The following MAGEF1 variants were observed in gnomAD, a reference collection of about 807,000 sequenced individuals.
The protein encoded by MAGEF1 is MAGE family member F1, also known as melanoma-associated antigen F1.
For synonymous variants in MAGEF1, 150 were observed against 163.6 expected (o/e 0.92, Z 0.63); for missense variants, 418 against 399.5 (o/e 1.05, Z -0.39).
At position 184,710,903 on chromosome 3, in the gene MAGEF1, A is replaced by G; in HGVS notation, c.919T>C (p.Trp307Arg). The change falls in exon 1 of 1, where the codon TGG becomes CGG. Residue 307 changes from tryptophan to arginine, a missense_variant. Trp to Arg is a moderately radical substitution (Grantham distance 101). Coordinates refer to ENST00000317897, the MANE Select transcript of MAGEF1 (RefSeq NM_022149.5). ...RASARAGIHL[W>R] ...GGCCAACTTTTCACCAACCCTCACCAGAGGTGGATGCCGGCCCTAGCACTG... is the reference window on the plus strand; with the variant it reads ...GGCCAACTTTTCACCAACCCTCACCGGAGGTGGATGCCGGCCCTAGCACTG... 6.4e-7 allele frequency: 1 copy of G among 1,570,764 alleles called. No individual in the cohort carries two copies. Among genetic ancestry groups the G allele is most frequent in the Non-Finnish European group, 8.7e-7 (1 of 1,155,872 alleles).
rs892656895 is a variant in MAGEF1 at position 184,712,053 on chromosome 3, G to T, written c.-232C>A. 7.4e-6 allele frequency: 5 copies of T among 678,668 alleles called. No homozygotes were observed. Among genetic ancestry groups the T allele is most frequent in the Non-Finnish European group, 1.1e-5 (5 of 466,126 alleles). 42.0% of individuals were successfully genotyped at this position (678,668 alleles called of 1,614,324 possible). A position where few individuals can be genotyped will look rare whatever the true frequency, so the allele number is the denominator to read the frequency against. On this transcript the variant is annotated 5_prime_UTR_variant, in exon 1 of 1. Coordinates refer to ENST00000317897, the MANE Select transcript of MAGEF1 (RefSeq NM_022149.5). Reference sequence around the variant, plus strand: ...GCAGCCTCAGTCCGCGCCCGCGCGAGGGGCCACTTCCGGCCACCTCAGCCA... The same window carrying T: ...GCAGCCTCAGTCCGCGCCCGCGCGATGGGCCACTTCCGGCCACCTCAGCCA...
In MAGEF1 at chr3:184,710,909, G is replaced by T; in HGVS notation, c.913C>A (p.His305Asn). 1 of 1,573,734 alleles carries T rather than the reference G, an allele frequency of 6.4e-7. No individual in the cohort carries two copies. Among genetic ancestry groups the T allele is most frequent in the Non-Finnish European group, 8.6e-7 (1 of 1,157,332 alleles). ...CTTTTCACCAACCCTCACCAGAGGT[G>T]GATGCCGGCCCTAGCACTGGCCCTG... is the stretch of plus-strand genomic sequence containing the variant. ...RARASARAGI[H>N]LW The change falls in exon 1 of 1, where the codon CAC becomes AAC. Residue 305 changes from histidine (H) to asparagine (N), a missense_variant. Coordinates refer to ENST00000317897, the MANE Select transcript of MAGEF1 (RefSeq NM_022149.5).
At position 184,711,685 on chromosome 3, in the gene MAGEF1, T is replaced by C. The variant is rs1365372496; in HGVS notation, c.137A>G (p.Glu46Gly). Residue 46 changes from glutamate to glycine, a missense_variant, in exon 1 of 1, where the codon GAG becomes GGG. Transcript: ENST00000317897. ...RPKEELGAGR[E>G]EGAAEPALTR... ...GAGGGCGGGCTCCGCAGCCCCCTCC[T>C]CCCTCCCGGCGCCAAGCTCCTCCTT... The C allele has an allele frequency of 2.5e-6, 4 of 1,579,424 alleles. No homozygotes were observed. Among genetic ancestry groups the C allele is most frequent in the Non-Finnish European group, 3.4e-6 (4 of 1,165,246 alleles).
chr3:184,711,221 A>G lies in MAGEF1; in HGVS notation c.601T>C (p.Ser201Pro). The G allele has an allele frequency of 6.2e-7, 1 of 1,614,146 alleles. No homozygotes were observed. Among genetic ancestry groups the G allele is most frequent in the South Asian group, 1.1e-5 (1 of 91,086 alleles). The change falls in exon 1 of 1, where the codon TCA (serine) becomes CCA (proline). Residue 201 changes from serine (S) to proline (P), a missense_variant. Ser to Pro is a moderately conservative substitution (Grantham distance 74, BLOSUM62 -1). Transcript: ENST00000317897. ...TACCCAAAGAGGAAATGATACTTTG[A>G]GGGTTGCACCCCCAACCGACGCAGC... ...EMLRRLGVQP[S>P]KYHFLFGYPK...
At position 184,711,972 on chromosome 3, in the gene MAGEF1, C is replaced by G; in HGVS notation, c.-151G>C. On this transcript the variant is annotated 5_prime_UTR_variant, in exon 1 of 1. Coordinates refer to ENST00000317897, the MANE Select transcript of MAGEF1 (RefSeq NM_022149.5). ...GAGCTTTGTGGCTGCTGGGCCGCAC[C>G]GCACGGGAGTCAAACCTGCGGCCGC... The G allele has an allele frequency of 8.0e-7, 1 of 1,256,532 alleles. No homozygotes were observed. Among genetic ancestry groups the G allele is most frequent in the Non-Finnish European group, 1.0e-6 (1 of 980,672 alleles). 77.8% of individuals were successfully genotyped at this position (1,256,532 alleles called of 1,614,324 possible).
chr3:184,711,909 G>C lies in MAGEF1; in HGVS notation c.-88C>G, dbSNP rs574766190. 2.1e-6 allele frequency: 3 copies of C among 1,415,794 alleles called. No individual in the cohort carries two copies. The highest frequency in any genetic ancestry group is 2.9e-5 in the African/African-American group (2 of 68,364). The allele number at this position is 1,415,794 out of a possible 1,614,324, so 87.7% of individuals were successfully genotyped here. A position where few individuals can be genotyped will look rare whatever the true frequency, so the allele number is the denominator to read the frequency against. On this transcript the variant is annotated 5_prime_UTR_variant, in exon 1 of 1. Transcript: ENST00000317897. ...AGCCCCGGGGGAGGGGTTGGACAGC[G>C]GCAGTGACGGCGGGAGTACAAGGAG...
In MAGEF1 at chr3:184,711,926, T is replaced by C; in HGVS notation, c.-105A>G. 11 of 1,400,254 alleles carry C rather than the reference T, an allele frequency of 7.9e-6. No individual in the cohort carries two copies. The highest frequency in any genetic ancestry group is 1.0e-5 in the Non-Finnish European group (11 of 1,077,234). The allele number at this position is 1,400,254 out of a possible 1,614,324, so 86.7% of individuals were successfully genotyped here. On this transcript the variant is annotated 5_prime_UTR_variant, in exon 1 of 1. Transcript: ENST00000317897. Reference sequence around the variant, plus strand: ...TGGACAGCGGCAGTGACGGCGGGAGTACAAGGAGCAATGGCAGCGGGAGCT... The same window carrying C: ...TGGACAGCGGCAGTGACGGCGGGAGCACAAGGAGCAATGGCAGCGGGAGCT...
In MAGEF1 at chr3:184,711,125, T is replaced by C. The variant is rs778155185; in HGVS notation, c.697A>G (p.Asn233Asp). 8.7e-6 allele frequency: 14 copies of C among 1,613,970 alleles called. No homozygotes were observed. In the South Asian group the frequency reaches 1.5e-4, roughly 18 times the overall value. The change falls in exon 1 of 1, where the codon AAT becomes GAT. Residue 233 changes from asparagine (N) to aspartate (D), a missense_variant. By Grantham distance (23) the Asn-to-Asp change is conservative (BLOSUM62 1). Coordinates refer to ENST00000317897, the MANE Select transcript of MAGEF1 (RefSeq NM_022149.5). The stretch of plus-strand genomic sequence containing the variant: ...CAAGAGAATTCATATTCTGGTGGAT[T>C]GGTGTGAGGCACCCGCCTGTAACTG... ...YLSYRRVPHT[N>D]PPEYEFSWGP...
chr3:184,712,039 C>A lies in MAGEF1; in HGVS notation c.-218G>T, dbSNP rs1712246254. On this transcript the variant is annotated 5_prime_UTR_variant, in exon 1 of 1. Transcript: ENST00000317897. ...GGAACCTGCGGCGCGCAGCCTCAGT[C>A]CGCGCCCGCGCGAGGGGCCACTTCC... 1 of 834,226 alleles carries A rather than the reference C, an allele frequency of 1.2e-6. No homozygotes were observed. The highest frequency in any genetic ancestry group is 1.7e-6 in the Non-Finnish European group (1 of 604,548). The allele number at this position is 834,226 out of a possible 1,614,324, so 51.7% of individuals were successfully genotyped here.
chr3:184,711,945 G>C lies in MAGEF1; in HGVS notation c.-124C>G. On this transcript the variant is annotated 5_prime_UTR_variant, in exon 1 of 1. Transcript: ENST00000317897. ...CGGGAGTACAAGGAGCAATGGCAGC[G>C]GGAGCTTTGTGGCTGCTGGGCCGCA... 1 of 1,356,844 alleles carries C rather than the reference G, an allele frequency of 7.4e-7. No homozygotes were observed. Among genetic ancestry groups the C allele is most frequent in the Non-Finnish European group, 9.5e-7 (1 of 1,051,482 alleles). The allele number at this position is 1,356,844 out of a possible 1,614,324, so 84.1% of individuals were successfully genotyped here. A position where few individuals can be genotyped will look rare whatever the true frequency, so the allele number is the denominator to read the frequency against.
In MAGEF1 at chr3:184,711,466, G is replaced by A. The variant is rs1712223176; in HGVS notation, c.356C>T (p.Ala119Val). Reference sequence around the variant, plus strand: ...ATACCGCAGATGCTCTGCGGCCCTTGCGATGATGTCCGGGAACAGAATCTT... The same window carrying A: ...ATACCGCAGATGCTCTGCGGCCCTTACGATGATGTCCGGGAACAGAATCTT... Reference protein sequence around the residue: ...DLKILFPDIIARAAEHLRYVF... With the variant: ...DLKILFPDIIVRAAEHLRYVF... Residue 119 changes from alanine (A) to valine (V), a missense_variant, in exon 1 of 1, where the codon GCA (alanine) becomes GTA (valine). Ala to Val is a moderately conservative substitution (Grantham distance 64). Coordinates refer to ENST00000317897, the MANE Select transcript of MAGEF1 (RefSeq NM_022149.5). The A allele has an allele frequency of 6.2e-7, 1 of 1,614,238 alleles. No homozygotes were observed. Among genetic ancestry groups the A allele is most frequent in the South Asian group, 1.1e-5 (1 of 91,090 alleles).
rs908925090 is a variant in MAGEF1 at position 184,711,958 on chromosome 3, C to A, written c.-137G>T. ...AGCAATGGCAGCGGGAGCTTTGTGG[C>A]TGCTGGGCCGCACCGCACGGGAGTC... On this transcript the variant is annotated 5_prime_UTR_variant, in exon 1 of 1. Coordinates refer to ENST00000317897, the MANE Select transcript of MAGEF1 (RefSeq NM_022149.5). 28 of 1,335,534 alleles carry A rather than the reference C, an allele frequency of 2.1e-5. No individual in the cohort carries two copies. Among genetic ancestry groups the A allele is most frequent in the Non-Finnish European group, 2.5e-5 (26 of 1,035,612 alleles). The allele number at this position is 1,335,534 out of a possible 1,614,324, so 82.7% of individuals were successfully genotyped here.
chr3:184,712,018 C>T lies in MAGEF1; in HGVS notation c.-197G>A, dbSNP rs896483780. The T allele has an allele frequency of 1.8e-5, 19 of 1,038,434 alleles. No individual in the cohort carries two copies. Among genetic ancestry groups the T allele is most frequent in the Non-Finnish European group, 2.4e-5 (19 of 787,244 alleles). 64.3% of individuals were successfully genotyped at this position (1,038,434 alleles called of 1,614,324 possible). On this transcript the variant is annotated 5_prime_UTR_variant, in exon 1 of 1. Transcript: ENST00000317897. ...GCCGCAACGCCGCCAGCAGCCGGAA[C>T]CTGCGGCGCGCAGCCTCAGTCCGCG...
chr3:184,710,767 G>A lies in MAGEF1; in HGVS notation c.*131C>T. ...AATTATTAAATGTTACAAAACATAA[G>A]ATACAAAATCTAAATCCTTAAAGTC... On this transcript the variant is annotated 3_prime_UTR_variant, in exon 1 of 1. Transcript: ENST00000317897. 3 of 1,308,190 alleles carry A rather than the reference G, an allele frequency of 2.3e-6. No individual in the cohort carries two copies. Among genetic ancestry groups the A allele is most frequent in the South Asian group, 2.3e-5 (1 of 44,094 alleles). 81.0% of individuals were successfully genotyped at this position (1,308,190 alleles called of 1,614,324 possible).
rs1313093368 is a variant in MAGEF1 at position 184,711,376 on chromosome 3, A to G, written c.446T>C (p.Leu149Pro). Residue 149 changes from leucine to proline, a missense_variant, in exon 1 of 1, where the codon CTA becomes CCA. By Grantham distance (98) the Leu-to-Pro change is moderately conservative. Coordinates refer to ENST00000317897, the MANE Select transcript of MAGEF1 (RefSeq NM_022149.5). Reference protein sequence around the residue: ...KHHTYILINKLKPLEEEEEED... With the variant: ...KHHTYILINKPKPLEEEEEED... ...CTCCTCCTCCTCCTCCAGAGGTTTT[A>G]GTTTGTTGATCAGGATGTAAGTGTG... 1 of 1,613,602 alleles carries G rather than the reference A, an allele frequency of 6.2e-7. No homozygotes were observed. The highest frequency in any genetic ancestry group is 8.5e-7 in the Non-Finnish European group (1 of 1,179,980).
chr3:184,711,983 C>G lies in MAGEF1; in HGVS notation c.-162G>C. ...CTGCTGGGCCGCACCGCACGGGAGT[C>G]AAACCTGCGGCCGCAACGCCGCCAG... On this transcript the variant is annotated 5_prime_UTR_variant, in exon 1 of 1. Transcript: ENST00000317897. 1 of 1,216,286 alleles carries G rather than the reference C, an allele frequency of 8.2e-7. No individual in the cohort carries two copies. The highest frequency in any genetic ancestry group is 1.6e-5 in the African/African-American group (1 of 63,326). 75.3% of individuals were successfully genotyped at this position (1,216,286 alleles called of 1,614,324 possible). A position where few individuals can be genotyped will look rare whatever the true frequency, so the allele number is the denominator to read the frequency against.
chr3:184,711,345 A>AACC lies in MAGEF1; in HGVS notation c.476_477insGGT (p.Asp159delinsGluVal). ...CCAATCTGGGGCCATCTCCTCCCAG[A>AACC]TCCTCCTCCTCCTCCTCCTCCAGAG... is the stretch of plus-strand genomic sequence containing the variant. On this transcript the variant is annotated protein_altering_variant, in exon 1 of 1. Coordinates refer to ENST00000317897, the MANE Select transcript of MAGEF1 (RefSeq NM_022149.5). 2 of 1,567,444 alleles carry AACC rather than the reference A, an allele frequency of 1.3e-6. No individual in the cohort carries two copies. Among genetic ancestry groups the AACC allele is most frequent in the Non-Finnish European group, 8.8e-7 (1 of 1,141,680 alleles).
At position 184,710,435 on chromosome 3, in the gene MAGEF1, T is replaced by C. The variant is rs2108473789; in HGVS notation, c.*463A>G. ...AACTCATTGCATTTTAATTTTTCTC[T>C]AGATACTCAAATAGCTAAGCAAATG... On this transcript the variant is annotated 3_prime_UTR_variant, in exon 1 of 1. Coordinates refer to ENST00000317897, the MANE Select transcript of MAGEF1 (RefSeq NM_022149.5). The C allele has an allele frequency of 6.5e-6, 1 of 153,998 alleles. No individual in the cohort carries two copies. Among genetic ancestry groups the C allele is most frequent in the African/African-American group, 2.4e-5 (1 of 41,620 alleles). 9.5% of individuals were successfully genotyped at this position (153,998 alleles called of 1,614,324 possible).
Position 184,711,493 on chromosome 3 carries a change from A to C in MAGEF1, c.329T>G (p.Leu110Trp). The change falls in exon 1 of 1, where the codon TTG (leucine) becomes TGG (tryptophan). Residue 110 changes from leucine to tryptophan, a missense_variant. Leu to Trp is a moderately conservative substitution (Grantham distance 61). Transcript: ENST00000317897. ...SEMVKYVIGD[L>W]KILFPDIIAR... is the part of the protein sequence containing the mutation. Reference sequence around the variant, plus strand: ...GATGATGTCCGGGAACAGAATCTTCAAGTCTCCAATAACGTATTTCACCAT... The same window carrying C: ...GATGATGTCCGGGAACAGAATCTTCCAGTCTCCAATAACGTATTTCACCAT... 2 of 1,614,208 alleles carry C rather than the reference A, an allele frequency of 1.2e-6. No individual in the cohort carries two copies. Among genetic ancestry groups the C allele is most frequent in the Non-Finnish European group, 1.7e-6 (2 of 1,180,028 alleles).
Sources: allele counts gnomAD v4.1 joint callset, GRCh38; gene constraint gnomAD v4.1.1; transcripts MANE v1.5; gene names NCBI Gene and HGNC (gene_info 2026-07-23, HGNC 2026-07-21).